Variants in QRICH2 observed in about 807,000 individuals in gnomAD.
The protein encoded by QRICH2 is glutamine rich 2.
Under a neutral mutation model 168.3 loss-of-function variants are expected in QRICH2, and 119 were observed. That is an observed-to-expected ratio of 0.71 (90% CI 0.61 to 0.82). QRICH2 has a LOEUF of 0.82. QRICH2 is among the 40% of genes least tolerant of loss of function. The pLI is 0.00. For synonymous variants in QRICH2, 894 were observed against 951.2 expected (o/e 0.94, Z 1.11); for missense variants, 2,241 against 2,491.6 (o/e 0.90, Z 2.14).
chr17:76,305,461 CTACCTGGTTTT>C (rs2070977065), intron 1 of QRICH2, among the ~76,000 whole-genome samples: 1 of 152,190 alleles, frequency 6.6e-6, no homozygotes, highest in Non-Finnish European at 1.5e-5. Context: ...CCCCTGCTTT[CTACCTGGTTTT>C]TACCTGGCCA....
At position 76,281,998 on chromosome 17, in the gene QRICH2, C is replaced by T; in HGVS notation, c.4129G>A (p.Ala1377Thr). Residue 1377 changes from alanine (A) to threonine (T), a missense_variant, in exon 8 of 19, where the codon GCC becomes ACC. Physicochemically the swap from Ala to Thr is moderately conservative, Grantham distance 58. Coordinates refer to ENST00000680821, the MANE Select transcript of QRICH2 (RefSeq NM_001388453.1). The surrounding 1 kb of genome is among the most constrained non-coding windows in gnomAD (Gnocchi z 4.4). Reference sequence around the variant, plus strand: ...TCCAGGCTGCAGGCTGGACAGGTGGCCTCAGGGTCGATCTGGCCAGGAGCC... The same window carrying T: ...TCCAGGCTGCAGGCTGGACAGGTGGTCTCAGGGTCGATCTGGCCAGGAGCC... ...TLAPGQIDPE[A>T]TCPACSLDVS... 1.2e-6 allele frequency: 2 copies of T among 1,613,450 alleles called. No individual in the cohort carries two copies. The highest frequency in any genetic ancestry group is 1.1e-5 in the South Asian group (1 of 90,994).
In QRICH2 at chr17:76,307,060, ATCT is replaced by A. The variant is rs1567792073; in HGVS notation, c.534+402_534+404del. Among the ~76,000 whole-genome samples the A allele has an allele frequency of 6.6e-6, 1 of 151,918 alleles. No homozygotes were observed. Among genetic ancestry groups the A allele is most frequent in the East Asian group, 1.9e-4 (1 of 5,186 alleles). ...TTTAAAAAGGGAATTCACTCTAAGA[ATCT>A]TCTGAGAAGTTGCCGGCCCCACTCT... On this transcript the variant is annotated intron_variant, in intron 1 of 18. Coordinates refer to ENST00000680821, the MANE Select transcript of QRICH2 (RefSeq NM_001388453.1). This position sits in a 1 kb window ranked among gnomAD's most constrained non-coding sequence, Gnocchi z 5.3.
chr17:76,274,206 G>C lies in QRICH2; in HGVS notation c.5537C>G (p.Pro1846Arg), dbSNP rs772087917. 1.9e-6 allele frequency: 3 copies of C among 1,596,666 alleles called. No homozygotes were observed. The Admixed American group carries it at 5.4e-5, about 29-fold the overall frequency. ...RPSSEGRLSQ[P>R]NTAHPPSSAA... ...GGAGCTGGGCGGGTGGGCTGTGTTC[G>C]GCTGGGAGAGACGGCCCTCGGAGGA... is the stretch of plus-strand genomic sequence containing the variant. The change falls in exon 19 of 19, where the codon CCG (proline) becomes CGG (arginine). Residue 1846 changes from proline (P) to arginine (R), a missense_variant. By Grantham distance (103) the Pro-to-Arg change is moderately radical (BLOSUM62 -2). Transcript: ENST00000680821.
chr17:76,277,401 G>C (rs2070701934), intron 15 of QRICH2, 91 bp from the exon 16 acceptor site: 17 of 1,443,736 alleles, frequency 1.2e-5, no homozygotes, highest in Non-Finnish European at 1.5e-5. Flanking sequence ...CAGAGGGAAG[G>C]GGCACAGCTT....
chr17:76,274,638 G>C (rs1369215522), intron 18 of QRICH2, among the ~76,000 whole-genome samples: 4 of 152,184 alleles, frequency 2.6e-5, no homozygotes, highest in African/African-American at 9.7e-5. Flanking sequence ...AGTGCCCTTA[G>C]AGTAGACACT....
chr17:76,283,874 CA>C (rs34741886), intron 7 of QRICH2, among the ~76,000 whole-genome samples: 12 of 125,090 alleles, frequency 9.6e-5, no homozygotes, highest in East Asian at 2.1e-4. Flanking sequence ...AACTCTGTCT[CA>C]AAAAAAAAAG....
In QRICH2 at chr17:76,307,380, T is replaced by C. The variant is rs2071005957; in HGVS notation, c.534+85A>G. The C allele has an allele frequency of 4.1e-6, 6 of 1,459,346 alleles. No homozygotes were observed. Among genetic ancestry groups the C allele is most frequent in the African/African-American group, 1.4e-5 (1 of 71,890 alleles). 90.4% of individuals were successfully genotyped at this position (1,459,346 alleles called of 1,614,324 possible). A position where few individuals can be genotyped will look rare whatever the true frequency, so the allele number is the denominator to read the frequency against. ...CTCCGTCCCCACCACCGCTCACCCC[T>C]CCAGGGTGGTGGGGACTCGGCTAGG... is the stretch of plus-strand genomic sequence containing the variant. On this transcript the variant is annotated intron_variant, in intron 1 of 18. Transcript: ENST00000680821. The surrounding 1 kb of genome is among the most constrained non-coding windows in gnomAD (Gnocchi z 5.3).
At chr17:76,277,613 C>A (rs1048434496) in intron 15 of QRICH2, among the ~76,000 whole-genome samples, 2 of 151,916 alleles carry the variant, frequency 1.3e-5, no homozygotes, top group African/African-American at 2.4e-5. Context: ...CACATACACA[C>A]GAAGATGCAC....
Position 76,307,677 on chromosome 17 carries a change from C to A in QRICH2, c.322G>T (p.Gly108Cys). ...ALESQVKDLGGQVEDLSKQLK... is the reference protein window; with the variant it reads ...ALESQVKDLGCQVEDLSKQLK... The stretch of plus-strand genomic sequence containing the variant: ...TGCTTGCTCAGGTCCTCCACCTGGC[C>A]GCCCAGGTCCTTCACTTGGCTCTCC... Residue 108 changes from glycine (G) to cysteine (C), a missense_variant, in exon 1 of 19, where the codon GGC (glycine) becomes TGC (cysteine). Transcript: ENST00000680821. The surrounding 1 kb of genome is among the most constrained non-coding windows in gnomAD (Gnocchi z 5.3). 6.9e-7 allele frequency: 1 copy of A among 1,453,708 alleles called. No individual in the cohort carries two copies. Among genetic ancestry groups the A allele is most frequent in the Non-Finnish European group, 9.1e-7 (1 of 1,100,990 alleles). 90.1% of individuals were successfully genotyped at this position (1,453,708 alleles called of 1,614,324 possible).
rs2070999442 is a variant in QRICH2, at chr17:76,291,846, G to C, written c.2881C>G (p.Leu961Val). The change falls in exon 4 of 19, where the codon CTG (leucine) becomes GTG (valine). Residue 961 changes from leucine (L) to valine (V), a missense_variant. Physicochemically the swap from Leu to Val is conservative, Grantham distance 32 (BLOSUM62 1). This residue lies in a region of QRICH2 where 2,047 missense variants were observed against 2,303.8 expected (regional missense o/e 0.89). Coordinates refer to ENST00000680821, the MANE Select transcript of QRICH2 (RefSeq NM_001388453.1). ...LSQSGTYPRGLVQPGMDQYGL... is the reference protein window; with the variant it reads ...LSQSGTYPRGVVQPGMDQYGL... ...TACTGATCCATTCCTGGCTGCACCAGACCACGTGGATATGTCCCAGATTGA... is the reference window on the plus strand; with the variant it reads ...TACTGATCCATTCCTGGCTGCACCACACCACGTGGATATGTCCCAGATTGA... 5 of 1,613,770 alleles carry C rather than the reference G, an allele frequency of 3.1e-6. No individual in the cohort carries two copies. Among genetic ancestry groups the C allele is most frequent in the Non-Finnish European group, 4.2e-6 (5 of 1,179,994 alleles).
intron 3 of QRICH2, among the ~76,000 whole-genome samples, chr17:76,303,790 G>A (rs1467623290): frequency 3.3e-5 from 5 of 149,642 alleles, no homozygotes; most frequent in African/African-American, 1.2e-4. Context: ...GGAGAATGGC[G>A]TGAACCCGGG....
rs369768383 is a variant in QRICH2 at position 76,281,882 on chromosome 17, C to A, written c.4245G>T (p.Lys1415Asn). Residue 1415 changes from lysine (K) to asparagine (N), a missense_variant, in exon 8 of 19, where the codon AAG becomes AAT. By Grantham distance (94) the Lys-to-Asn change is moderately conservative (BLOSUM62 0). This residue lies in a region of QRICH2 where 2,047 missense variants were observed against 2,303.8 expected (regional missense o/e 0.89). Transcript: ENST00000680821. This position sits in a 1 kb window ranked among gnomAD's most constrained non-coding sequence, Gnocchi z 4.4. ...GCCCCACCTGTCTCTGGAGCTTGGCCTTCTTGGAGGGTCGGGAGACGGCCA... is the reference window on the plus strand; with the variant it reads ...GCCCCACCTGTCTCTGGAGCTTGGCATTCTTGGAGGGTCGGGAGACGGCCA... ...NSLAVSRPSK[K>N]AKLQRQDEEL... The A allele has an allele frequency of 2.5e-6, 4 of 1,613,324 alleles. No individual in the cohort carries two copies. In the African/African-American group the frequency reaches 4.0e-5, roughly 16 times the overall value.
intron 18 of QRICH2, among the ~76,000 whole-genome samples, chr17:76,275,163 G>A (rs1055557087): frequency 6.6e-6 from 1 of 152,100 alleles, no homozygotes; most frequent in African/African-American, 2.4e-5. Context: ...TGTTTTACAG[G>A]AGGAAGGTCG....
At chr17:76,296,179 C>A (rs2070790513) in intron 3 of QRICH2, among the ~76,000 whole-genome samples, 1 of 152,070 alleles carries the variant, frequency 6.6e-6, no homozygotes, top group Non-Finnish European at 1.5e-5. Context: ...GCCGAGATAG[C>A]ACCATTGCAC....
intron 1 of QRICH2, among the ~76,000 whole-genome samples, chr17:76,306,168 C>CAAAAA (rs368182885): frequency 1.2e-4 from 8 of 68,096 alleles, no homozygotes; most frequent in African/African-American, 1.7e-4. Context: ...GAATGTGTCT[C>CAAAAA]AAAAAAAAAA....
chr17:76,307,404 G>T lies in QRICH2; in HGVS notation c.534+61C>A. ...CTCCAGGGTGGTGGGGACTCGGCTA[G>T]GCCTGGAGGGCGGCCTGGAGGAGGC... On this transcript the variant is annotated intron_variant, in intron 1 of 18. Coordinates refer to ENST00000680821, the MANE Select transcript of QRICH2 (RefSeq NM_001388453.1). This position sits in a 1 kb window ranked among gnomAD's most constrained non-coding sequence, Gnocchi z 5.3. 6.3e-7 allele frequency: 1 copy of T among 1,582,630 alleles called. No individual in the cohort carries two copies. The highest frequency in any genetic ancestry group is 8.7e-7 in the Non-Finnish European group (1 of 1,153,666).
chr17:76,304,040 G>A (rs2070949158), intron 3 of QRICH2, among the ~76,000 whole-genome samples: 1 of 152,090 alleles, frequency 6.6e-6, no homozygotes, highest in Admixed American at 6.6e-5. Flanking sequence ...CTACACTCAG[G>A]TACGATTTTT....
chr17:76,291,533 C>T lies in QRICH2; in HGVS notation c.3194G>A (p.Ser1065Asn). ...GTDQHSPIPL[S>N]TGLGSTHPDQ... Reference sequence around the variant, plus strand: ...TGGGTGTGTAGATCCCAAACCTGTACTCAGTGGTATTGGGCTGTGCTGGTC... The same window carrying T: ...TGGGTGTGTAGATCCCAAACCTGTATTCAGTGGTATTGGGCTGTGCTGGTC... Residue 1065 changes from serine to asparagine, a missense_variant, in exon 4 of 19, where the codon AGT becomes AAT. This residue lies in a region of QRICH2 where 2,047 missense variants were observed against 2,303.8 expected (regional missense o/e 0.89). Coordinates refer to ENST00000680821, the MANE Select transcript of QRICH2 (RefSeq NM_001388453.1). 1 of 1,613,526 alleles carries T rather than the reference C, an allele frequency of 6.2e-7. No individual in the cohort carries two copies. The highest frequency in any genetic ancestry group is 1.1e-5 in the South Asian group (1 of 91,044).
intron 4 of QRICH2, 51 bp from the exon 5 acceptor site, chr17:76,290,128 T>C: frequency 1.5e-6 from 2 of 1,351,546 alleles, no homozygotes; most frequent in Non-Finnish European, 2.1e-6. Context: ...TCTAGTGGGC[T>C]CCCAATCTCC....
Sources: gnomAD v4.1 joint callset for allele counts (sites outside exome capture counted in the v4.1 genomes callset) on GRCh38, gnomAD v4.1.1 for gene constraint, gnomAD v4.1.1 regional missense constraint, Gnocchi (gnomAD v3.1) non-coding constraint, MANE v1.5 for transcripts, NCBI Gene and HGNC (gene_info 2026-07-23, HGNC 2026-07-21) for gene names.